BMPR1B: variants seen among roughly 807,000 people sequenced by gnomAD.
BMPR1B encodes the protein bone morphogenetic protein receptor type-1B.
Under a neutral mutation model 59.1 loss-of-function variants are expected in BMPR1B, and 12 were observed. That is an observed-to-expected ratio of 0.20 (90% CI 0.13 to 0.33). The LOEUF is 0.33. Ranked by LOEUF, BMPR1B falls within the 10% of genes least tolerant of loss-of-function variation. The probability of loss-of-function intolerance (pLI) is 1.00; values close to 1 mark genes in which losing one functional copy is unlikely to be tolerated. For missense variants in BMPR1B, 550 were observed against 610.9 expected, an observed-to-expected ratio of 0.90 and a Z score of 1.05; for synonymous variants, 237 against 207.3, an observed-to-expected ratio of 1.14 and a Z score of -1.23.
chr4:95,047,642 A>T (rs996946736), intron 3 of BMPR1B, among the ~76,000 whole-genome samples: 1 of 152,188 alleles, frequency 6.6e-6, no homozygotes, highest in Non-Finnish European at 1.5e-5. Context: ...CACTAAGCAC[A>T]GCTTAGAGTC....
At chr4:95,102,423 C>T (rs183674980) in intron 3 of BMPR1B, among the ~76,000 whole-genome samples, 1 of 152,158 alleles carries the variant, frequency 6.6e-6, no homozygotes, top group East Asian at 1.9e-4. Flanking sequence ...TGGTAGTAGA[C>T]ATTTGCATCA....
intron 5 of BMPR1B, 128 bp downstream of exon 5, chr4:95,114,950 T>C: frequency 1.2e-6 from 1 of 866,058 alleles, no homozygotes. Flanking sequence ...ACAAAAACAT[T>C]TAGGTCAGCA....
intron 6 of BMPR1B, among the ~76,000 whole-genome samples, chr4:95,123,208 T>C (rs576475908): frequency 6.6e-6 from 1 of 152,310 alleles, no homozygotes; most frequent in South Asian, 2.1e-4. Context: ...CTGGAACATA[T>C]ACATTCTTTT....
chr4:94,924,685 C>A (rs1728819263), intron 2 of BMPR1B, among the ~76,000 whole-genome samples: 1 of 152,090 alleles, frequency 6.6e-6, no homozygotes, highest in African/African-American at 2.4e-5. Context: ...ATCATGTGTG[C>A]AACTTAGATC....
At chr4:94,928,527 G>A (rs1728975027) in intron 2 of BMPR1B, among the ~76,000 whole-genome samples, 1 of 150,926 alleles carries the variant, frequency 6.6e-6, no homozygotes, top group African/African-American at 2.4e-5. Flanking sequence ...AGACAGCATT[G>A]GGCGGGCCCT....
At chr4:95,030,516 CCAGGG>C (rs1325957140) in intron 3 of BMPR1B, among the ~76,000 whole-genome samples, 1 of 151,870 alleles carries the variant, frequency 6.6e-6, no homozygotes, top group Non-Finnish European at 1.5e-5. Flanking sequence ...GAAGTTCTGG[CCAGGG>C]CAATTAGGCA....
At chr4:95,027,391 C>T (rs2149148067) in intron 3 of BMPR1B, among the ~76,000 whole-genome samples, 1 of 152,246 alleles carries the variant, frequency 6.6e-6, no homozygotes, top group South Asian at 2.1e-4. Flanking sequence ...CAAAATTTCT[C>T]CAATTTTTAT....
chr4:94,841,723 G>T (rs1011073073), intron 1 of BMPR1B, among the ~76,000 whole-genome samples: 3 of 152,144 alleles, frequency 2.0e-5, no homozygotes, highest in African/African-American at 4.8e-5. Context: ...CGTCTTCTGC[G>T]TTGCTCACGC....
chr4:94,979,817 C>T (rs1420605497), intron 2 of BMPR1B, among the ~76,000 whole-genome samples: 1 of 152,218 alleles, frequency 6.6e-6, no homozygotes, highest in Non-Finnish European at 1.5e-5. Context: ...TCTGTCACTA[C>T]ATATGTGGGC....
intron 3 of BMPR1B, among the ~76,000 whole-genome samples, chr4:95,064,764 G>T (rs1384193441): frequency 6.6e-6 from 1 of 152,092 alleles, no homozygotes; most frequent in East Asian, 1.9e-4. Context: ...ACAAGTGGCT[G>T]ACAATCACAT....
intron 7 of BMPR1B, among the ~76,000 whole-genome samples, chr4:95,124,114 T>G (rs963781646): frequency 6.6e-6 from 1 of 152,072 alleles, no homozygotes; most frequent in Non-Finnish European, 1.5e-5. Flanking sequence ...GCTTCAGACT[T>G]CAAAACTACC....
chr4:94,815,689 T>G (rs1478252884), intron 1 of BMPR1B, among the ~76,000 whole-genome samples: 1 of 152,206 alleles, frequency 6.6e-6, no homozygotes, highest in African/African-American at 2.4e-5. Context: ...AAAGTTACTT[T>G]TACCTACTCT....
intron 3 of BMPR1B, among the ~76,000 whole-genome samples, chr4:95,073,276 T>C (rs1728457212): frequency 6.6e-6 from 1 of 152,184 alleles, no homozygotes; most frequent in South Asian, 2.1e-4. Context: ...CTTCTGGGCA[T>C]CTCCCCGGTT....
chr4:94,880,051 A>G (rs1178178139), intron 2 of BMPR1B, among the ~76,000 whole-genome samples: 1 of 148,136 alleles, frequency 6.8e-6, no homozygotes, highest in Non-Finnish European at 1.5e-5. Context: ...AAATGACAAT[A>G]CAAATTATTA....
intron 3 of BMPR1B, among the ~76,000 whole-genome samples, chr4:95,038,369 A>G (rs1725415326): frequency 1.3e-5 from 2 of 152,100 alleles, no homozygotes; most frequent in Admixed American, 1.3e-4. Flanking sequence ...ACTCTCTTAT[A>G]TTTTCTGTAG....
chr4:94,759,714 G>T (rs4699361), intron 1 of BMPR1B, among the ~76,000 whole-genome samples: 87,260 of 152,100 alleles, frequency 0.57, 25,439 homozygotes, highest in Middle Eastern at 0.66. Flanking sequence ...CATGAGACAT[G>T]CCGGTGATCA....
Position 95,026,098 on chromosome 4 carries a change from A to ATTTCTTTCTTTCTTTCTTTCTTTT in BMPR1B, c.-18+29987_-18+29988insTTTTCTTTCTTTCTTTCTTTCTTT, listed in dbSNP as rs1724345207. ...TTGGCTGGCTGGATTGCTTTCTTTC[A>ATTTCTTTCTTTCTTTCTTTCTTTT]TTTCTTTCTTTCTTTCTTTCTTTCT... On this transcript the variant is annotated intron_variant, in intron 3 of 12. Coordinates refer to ENST00000515059, the MANE Select transcript of BMPR1B (RefSeq NM_001203.3). 2.8e-4 allele frequency among the ~76,000 whole-genome samples: 28 copies of ATTTCTTTCTTTCTTTCTTTCTTTT among 101,716 alleles called. No individual in the cohort carries two copies. The South Asian group carries it at 4.2e-3, about 15-fold the overall frequency. The allele number at this position is 101,716 out of a possible 152,430, so 66.7% of individuals were successfully genotyped here.
At chr4:94,949,314 T>TATGGCTGCATAGTA (rs1406901953) in intron 2 of BMPR1B, among the ~76,000 whole-genome samples, 4,409 of 102,746 alleles carry the variant, frequency 0.043, 1,244 homozygotes, top group African/African-American at 0.053. Flanking sequence ...CATTCTTTTT[T>TATGGCTGCATAGTA]TTTTTTTTTT....
chr4:95,009,059 T>C (rs1723044769), intron 3 of BMPR1B, among the ~76,000 whole-genome samples: 1 of 151,970 alleles, frequency 6.6e-6, no homozygotes, highest in Admixed American at 6.6e-5. Context: ...TCTGTCTCTC[T>C]TAGAAAAAAA....
Sources: allele counts gnomAD v4.1 joint callset (sites outside exome capture counted in the v4.1 genomes callset), GRCh38; gene constraint gnomAD v4.1.1; transcripts MANE v1.5; gene names NCBI Gene and HGNC (gene_info 2026-07-23, HGNC 2026-07-21).